Variants in ENOX1 observed in about 807,000 individuals in gnomAD.
ENOX1 encodes the protein candidate growth-related and time keeping constitutive hydroquinone (NADH) oxidase.
In ENOX1, 42 loss-of-function variants were observed where a neutral mutation model predicts 82.5. The observed-to-expected ratio is 0.51, with a 90% CI of 0.40 to 0.66. ENOX1 has a LOEUF of 0.66. Among genes scored for constraint, ENOX1 ranks in the 30% least tolerant of loss-of-function variants. ENOX1 has a pLI of 0.00. For synonymous variants in ENOX1, 271 were observed against 282.2 expected, an observed-to-expected ratio of 0.96 and a Z score of 0.40; for missense variants, 608 against 811.6, an observed-to-expected ratio of 0.75 and a Z score of 3.05.
rs191014519 is a variant in ENOX1, at chr13:43,308,728, T to C, written c.1262-10198A>G. ...GCATTAACCTGCGGCCATTGGTATG[T>C]GTATAAAGTTTCCCAGGTGATTCTC... On this transcript the variant is annotated intron_variant, in intron 11 of 16. Transcript: ENST00000690772. 6.6e-4 allele frequency among the ~76,000 whole-genome samples: 101 copies of C among 152,336 alleles called. 1 individual carries two copies. Among genetic ancestry groups the C allele is most frequent in the Middle Eastern group, 3.4e-3 (1 of 294 alleles).
intron 1 of ENOX1, among the ~76,000 whole-genome samples, chr13:43,703,507 G>A (rs1477427274): frequency 2.0e-5 from 3 of 152,138 alleles, no homozygotes; most frequent in Non-Finnish European, 2.9e-5. Context: ...GCGTCTCTGG[G>A]AATGTTATAC....
chr13:43,782,566 GA>G (rs1385263395), intron 1 of ENOX1, among the ~76,000 whole-genome samples: 1 of 152,144 alleles, frequency 6.6e-6, no homozygotes, highest in East Asian at 1.9e-4. Flanking sequence ...CTTTTCTGGT[GA>G]AAAGGCCTCT....
chr13:43,269,885 T>G (rs764159949), intron 12 of ENOX1, among the ~76,000 whole-genome samples: 1 of 152,328 alleles, frequency 6.6e-6, no homozygotes, highest in East Asian at 1.9e-4. Context: ...ATTACATTCA[T>G]AGATGAAAAA....
intron 3 of ENOX1, among the ~76,000 whole-genome samples, chr13:43,475,963 T>C (rs2058265114): frequency 6.6e-6 from 1 of 152,144 alleles, no homozygotes; most frequent in Admixed American, 6.5e-5. Context: ...TTAATTTTAA[T>C]AACTCTTGGG....
intron 3 of ENOX1, among the ~76,000 whole-genome samples, chr13:43,456,151 T>C (rs531224744): frequency 6.6e-6 from 1 of 152,052 alleles, no homozygotes; most frequent in African/African-American, 2.4e-5. Flanking sequence ...GTATCTCTCA[T>C]CTTTCTGAAG....
At chr13:43,492,393 A>G (rs1399437868) in intron 2 of ENOX1, among the ~76,000 whole-genome samples, 15 of 152,188 alleles carry the variant, frequency 9.9e-5, no homozygotes. Context: ...TGTTTAAGCA[A>G]TTAAAATAGG....
intron 12 of ENOX1, among the ~76,000 whole-genome samples, chr13:43,285,111 T>TAAG (rs1364577853): frequency 6.6e-6 from 1 of 152,228 alleles, no homozygotes; most frequent in Non-Finnish European, 1.5e-5. Flanking sequence ...CTAACTTGTT[T>TAAG]AAGTTTCCCT....
chr13:43,590,253 G>T (rs764320246), intron 2 of ENOX1, among the ~76,000 whole-genome samples: 2 of 152,002 alleles, frequency 1.3e-5, no homozygotes, highest in Non-Finnish European at 2.9e-5. Flanking sequence ...TTGAAAAAAA[G>T]ATTCAGTGAA....
At chr13:43,570,026 T>G (rs1297006296) in intron 2 of ENOX1, among the ~76,000 whole-genome samples, 1 of 152,210 alleles carries the variant, frequency 6.6e-6, no homozygotes, top group Non-Finnish European at 1.5e-5. Context: ...TTGTCTTAAT[T>G]TTCTGTTTTC....
At chr13:43,583,286 A>G (rs574470496) in intron 2 of ENOX1, among the ~76,000 whole-genome samples, 1 of 152,372 alleles carries the variant, frequency 6.6e-6, no homozygotes, top group East Asian at 1.9e-4. Flanking sequence ...AACAGCAATT[A>G]AAGTAATACA....
Position 43,786,084 on chromosome 13 carries a change from G to A in ENOX1, c.-285+568C>T, listed in dbSNP as rs1952589329. On this transcript the variant is annotated intron_variant, in intron 1 of 16. Coordinates refer to ENST00000690772, the MANE Select transcript of ENOX1 (RefSeq NM_001347969.2). The surrounding 1 kb of genome is among the most constrained non-coding windows in gnomAD (Gnocchi z 6.0). ...GGTGTCCGAGCTCCCCGCGAGAGGGGACAGTCACGAATAACAACAGTACCC... is the reference window on the plus strand; with the variant it reads ...GGTGTCCGAGCTCCCCGCGAGAGGGAACAGTCACGAATAACAACAGTACCC... 6.6e-6 allele frequency among the ~76,000 whole-genome samples: 1 copy of A among 152,214 alleles called. No homozygotes were observed. The highest frequency in any genetic ancestry group is 6.5e-5 in the Admixed American group (1 of 15,292).
chr13:43,777,892 G>A (rs1952014508), intron 1 of ENOX1, among the ~76,000 whole-genome samples: 1 of 152,178 alleles, frequency 6.6e-6, no homozygotes, highest in Admixed American at 6.5e-5. Context: ...GCATAAGTAT[G>A]TACATAATAT....
chr13:43,691,865 T>G (rs1231363357), intron 1 of ENOX1, among the ~76,000 whole-genome samples: 2 of 152,050 alleles, frequency 1.3e-5, no homozygotes, highest in Non-Finnish European at 2.9e-5. Context: ...CACGCCTGGC[T>G]AATTTTTTGT....
intron 1 of ENOX1, among the ~76,000 whole-genome samples, chr13:43,703,548 A>G (rs1258073587): frequency 1.3e-5 from 2 of 152,190 alleles, no homozygotes; most frequent in South Asian, 2.1e-4. Flanking sequence ...CAGAAGTCCT[A>G]TTCATAGTCC....
intron 1 of ENOX1, among the ~76,000 whole-genome samples, chr13:43,744,693 C>A (rs1277095123): frequency 3.3e-5 from 5 of 152,198 alleles, no homozygotes; most frequent in Admixed American, 6.5e-5. Context: ...CTAGTGCTTT[C>A]ACCATTATTA....
intron 2 of ENOX1, among the ~76,000 whole-genome samples, chr13:43,657,310 T>C (rs745498270): frequency 6.6e-6 from 1 of 152,198 alleles, no homozygotes; most frequent in Non-Finnish European, 1.5e-5. Flanking sequence ...TAAGTAATTA[T>C]TTTAGATTTG....
intron 1 of ENOX1, among the ~76,000 whole-genome samples, chr13:43,760,191 G>C (rs1452774731): frequency 6.6e-6 from 1 of 152,132 alleles, no homozygotes; most frequent in Non-Finnish European, 1.5e-5. Flanking sequence ...CATCATGAAA[G>C]AATATCCTGG....
intron 1 of ENOX1, among the ~76,000 whole-genome samples, chr13:43,669,026 C>T (rs2085126970): frequency 6.6e-6 from 1 of 152,140 alleles, no homozygotes; most frequent in South Asian, 2.1e-4. Context: ...AACTATCCTA[C>T]AAGACAAGGA....
chr13:43,371,883 A>G (rs748737954), intron 5 of ENOX1, among the ~76,000 whole-genome samples: 6 of 152,146 alleles, frequency 3.9e-5, no homozygotes, highest in Non-Finnish European at 5.9e-5. Flanking sequence ...AGAACTGCAA[A>G]TTGTGTGTGG....
Sources: allele counts gnomAD v4.1 joint callset (sites outside exome capture counted in the v4.1 genomes callset), GRCh38; gene constraint gnomAD v4.1.1; non-coding constraint Gnocchi (gnomAD v3.1); transcripts MANE v1.5; gene names NCBI Gene and HGNC (gene_info 2026-07-23, HGNC 2026-07-21).